ZNF793: variants seen among roughly 807,000 people sequenced by gnomAD.
ZNF793 encodes the protein zinc finger protein 793.
In ZNF793, 5 loss-of-function variants were observed where a neutral mutation model predicts 12.4. The observed-to-expected ratio is 0.40, with a 90% CI of 0.21 to 0.84. ZNF793 has a LOEUF of 0.84. Ranked by LOEUF, ZNF793 falls within the 40% of genes least tolerant of loss-of-function variation. The pLI, the probability that ZNF793 is intolerant of heterozygous loss-of-function variation, is 0.35. For missense variants in ZNF793, 456 were observed against 495.0 expected (o/e 0.92, Z 0.75); for synonymous variants, 162 against 172.4 (o/e 0.94, Z 0.47).
chr19:37,540,741 A>T lies in ZNF793; in HGVS notation c.*2862A>T, dbSNP rs2042546756. ...TGATGATATGGTTGTACACCAATAA[A>T]TGAAAAGACTATTTTTTGAGTTAAC... is the stretch of plus-strand genomic sequence containing the variant. On this transcript the variant is annotated 3_prime_UTR_variant, in exon 8 of 8. Transcript: ENST00000627814. 1.3e-5 allele frequency: 2 copies of T among 152,066 alleles called. No individual in the cohort carries two copies. Among genetic ancestry groups the T allele is most frequent in the Non-Finnish European group, 2.9e-5 (2 of 67,996 alleles). 9.4% of individuals were successfully genotyped at this position (152,066 alleles called of 1,614,324 possible).
Position 37,537,535 on chromosome 19 carries a change from ACCC to A in ZNF793, c.878_880del (p.Thr293_Gln294delinsLys). On this transcript the variant is annotated inframe_deletion, in exon 8 of 8. Transcript: ENST00000627814. ...ATGTTTTTTTTGTGGGAAAGCCTTT[ACCC>A]AGAAGTCACACCGCACAGAACATCA... is the stretch of plus-strand genomic sequence containing the variant. 6.2e-7 allele frequency: 1 copy of A among 1,614,158 alleles called. No individual in the cohort carries two copies. The highest frequency in any genetic ancestry group is 8.5e-7 in the Non-Finnish European group (1 of 1,180,010).
rs533354614 is a variant in ZNF793 at position 37,513,770 on chromosome 19, G to GAATC, written c.-276+5369_-276+5372dup. Among the ~76,000 whole-genome samples the GAATC allele has an allele frequency of 5.7e-4, 87 of 152,292 alleles. 1 individual carries two copies. In the East Asian group the frequency reaches 0.012, roughly 21 times the overall value. On this transcript the variant is annotated intron_variant, in intron 2 of 7. Coordinates refer to ENST00000627814, the MANE Select transcript of ZNF793 (RefSeq NM_001013659.3). ...TTAATTTTGTTTATTCTGTGACAGT[G>GAATC]AATCATATTATGTATTTTTTAATGA...
intron 2 of ZNF793, among the ~76,000 whole-genome samples, chr19:37,515,474 A>AT (rs35655636): frequency 1.3e-5 from 2 of 151,778 alleles, no homozygotes; most frequent in African/African-American, 4.8e-5. Flanking sequence ...CACCCGGCCA[A>AT]TTTTTTTGTA....
At chr19:37,513,844 G>GTTAT (rs1204240714) in intron 2 of ZNF793, among the ~76,000 whole-genome samples, 2 of 152,142 alleles carry the variant, frequency 1.3e-5, no homozygotes, top group Non-Finnish European at 2.9e-5. Context: ...CTTCAACTGA[G>GTTAT]TTATACCCAA....
chr19:37,509,871 A>T (rs1336073054), intron 2 of ZNF793, among the ~76,000 whole-genome samples: 1 of 152,168 alleles, frequency 6.6e-6, no homozygotes, highest in African/African-American at 2.4e-5. Flanking sequence ...TGCCCCTCCC[A>T]GTCACTACTC....
rs1463902341 is a variant in ZNF793, at chr19:37,541,354, C to T, written c.*3475C>T. The T allele has an allele frequency of 6.6e-6, 1 of 152,106 alleles. No individual in the cohort carries two copies. The highest frequency in any genetic ancestry group is 1.5e-5 in the Non-Finnish European group (1 of 68,006). 9.4% of individuals were successfully genotyped at this position (152,106 alleles called of 1,614,324 possible). On this transcript the variant is annotated 3_prime_UTR_variant, in exon 8 of 8. Transcript: ENST00000627814. Reference sequence around the variant, plus strand: ...AGGAGTTGGGAGATATTAACTTTACCAACACAGGACACTCAGAAGCTATTT... The same window carrying T: ...AGGAGTTGGGAGATATTAACTTTACTAACACAGGACACTCAGAAGCTATTT...
upstream of ZNF793, chr19:37,506,433 GTC>G (rs1248383115): frequency 6.6e-6 from 1 of 152,310 alleles, no homozygotes; most frequent in Non-Finnish European, 1.5e-5. Context: ...TCCTTAGGCT[GTC>G]TCTGTCTCCC....
chr19:37,510,065 A>C (rs2042281106), intron 2 of ZNF793, among the ~76,000 whole-genome samples: 1 of 152,134 alleles, frequency 6.6e-6, no homozygotes, highest in Non-Finnish European at 1.5e-5. Context: ...CAGGTCATTA[A>C]ATATTCCTTG....
rs777724313 is a variant in ZNF793, at chr19:37,532,436, G to A, written c.96G>A (p.Leu32=). Residue 32 remains leucine (L), a synonymous_variant, in exon 6 of 8, where the codon CTG becomes CTA. Transcript: ENST00000627814. ...WHRLSPAQRA[L]YRDVMLETYS... Reference sequence around the variant, plus strand: ...GGCTGAGTCCTGCTCAGAGGGCCCTGTACCGGGATGTGATGCTGGAAACCT... The same window carrying A: ...GGCTGAGTCCTGCTCAGAGGGCCCTATACCGGGATGTGATGCTGGAAACCT... 6 of 1,613,382 alleles carry A rather than the reference G, an allele frequency of 3.7e-6. No individual in the cohort carries two copies. Among genetic ancestry groups the A allele is most frequent in the Non-Finnish European group, 5.1e-6 (6 of 1,179,754 alleles).
At chr19:37,517,864 GTTA>G (rs2042345170) in intron 2 of ZNF793, among the ~76,000 whole-genome samples, 1 of 151,524 alleles carries the variant, frequency 6.6e-6, no homozygotes, top group African/African-American at 2.4e-5. Context: ...TTTTGTTATT[GTTA>G]TTATTGCTGT....
intron 2 of ZNF793, among the ~76,000 whole-genome samples, chr19:37,515,294 T>C (rs937372557): frequency 6.6e-6 from 1 of 151,776 alleles, no homozygotes; most frequent in Admixed American, 6.6e-5. Flanking sequence ...ATTAATGACT[T>C]TTTTCTTTTT....
At chr19:37,536,431 T>A in intron 7 of ZNF793, 1 of 401,682 alleles carries the variant, frequency 2.5e-6, no homozygotes, top group Non-Finnish European at 4.4e-6. Context: ...AGCAAGGTAC[T>A]GTATAACATT....
At chr19:37,532,099 C>T (rs891875398) in intron 5 of ZNF793, among the ~76,000 whole-genome samples, 24 of 151,488 alleles carry the variant, frequency 1.6e-4, no homozygotes, top group African/African-American at 4.9e-4. Context: ...CTGCAACCTC[C>T]GTCTCTTAGA....
chr19:37,536,349 G>C (rs2042504696), intron 7 of ZNF793: 7 of 398,282 alleles, frequency 1.8e-5, no homozygotes, highest in Non-Finnish European at 3.1e-5. Context: ...CTGGGGCGGT[G>C]CCTTAGATTC....
chr19:37,525,437 C>CAATAGGAA (rs1555709814), intron 5 of ZNF793, among the ~76,000 whole-genome samples: 25 of 119,490 alleles, frequency 2.1e-4, no homozygotes, highest in South Asian at 8.0e-4. Context: ...CGTGCCTGGC[C>CAATAGGAA]TTTTTTTTTT....
At chr19:37,536,823 C>A in intron 7 of ZNF793, 74 bp from the exon 8 acceptor site, 1 of 1,468,666 alleles carries the variant, frequency 6.8e-7, no homozygotes, top group Non-Finnish European at 9.1e-7. Flanking sequence ...GTGTGCTGTG[C>A]ACTCTTTAAA....
chr19:37,519,679 T>G (rs181047216), intron 2 of ZNF793, among the ~76,000 whole-genome samples: 1 of 152,292 alleles, frequency 6.6e-6, no homozygotes, highest in African/African-American at 2.4e-5. Flanking sequence ...ATAAACAGAT[T>G]GTTTACAAAA....
Position 37,533,382 on chromosome 19 carries a change from T to G in ZNF793, c.217T>G (p.Cys73Gly), listed in dbSNP as rs1600420915. The change falls in exon 7 of 8, where the codon TGC (cysteine) becomes GGC (glycine). Residue 73 changes from cysteine to glycine, a missense_variant. By Grantham distance (159) the Cys-to-Gly change is radical. Transcript: ENST00000627814. ...AGCACCATGGATTGGTGAGGCAGCATGCCCGGGCTGCCACTGTTGGGGTAA... is the reference window on the plus strand; with the variant it reads ...AGCACCATGGATTGGTGAGGCAGCAGGCCCGGGCTGCCACTGTTGGGGTAA... ...EEAPWIGEAACPGCHCWEDIW... is the reference protein window; with the variant it reads ...EEAPWIGEAAGPGCHCWEDIW... The G allele has an allele frequency of 6.2e-7, 1 of 1,613,932 alleles. No homozygotes were observed. Among genetic ancestry groups the G allele is most frequent in the Non-Finnish European group, 8.5e-7 (1 of 1,179,812 alleles).
At chr19:37,529,494 T>C (rs1390040113) in intron 5 of ZNF793, among the ~76,000 whole-genome samples, 1 of 152,072 alleles carries the variant, frequency 6.6e-6, no homozygotes, top group East Asian at 1.9e-4. Context: ...TCTCTGCCTT[T>C]TTGGAATGTT....
Sources: gnomAD v4.1 joint callset for allele counts (sites outside exome capture counted in the v4.1 genomes callset) on GRCh38, gnomAD v4.1.1 for gene constraint, MANE v1.5 for transcripts, NCBI Gene and HGNC (gene_info 2026-07-23, HGNC 2026-07-21) for gene names.